ARHGEF10: variants seen among roughly 807,000 people sequenced by gnomAD.
ARHGEF10 encodes Rho guanine nucleotide exchange factor (GEF) 10.
ARHGEF10 carries 140 observed loss-of-function variants against 147.4 expected under a neutral mutation model. The observed-to-expected ratio is 0.95, with a 90% CI of 0.83 to 1.09. The LOEUF is 1.09. Ranked by LOEUF, ARHGEF10 falls within the 50% of genes least tolerant of loss-of-function variation. ARHGEF10 has a pLI of 0.00. For synonymous variants in ARHGEF10, 902 were observed against 695.8 expected (o/e 1.30, Z -4.67); for missense variants, 2,222 against 1,752.7 (o/e 1.27, Z -4.78).
At chr8:1,857,922 C>T (rs774547207) in intron 2 of ARHGEF10, 38 bp from the exon 3 acceptor site, 1 of 1,489,310 alleles carries the variant, frequency 6.7e-7, no homozygotes, top group African/African-American at 1.4e-5. Context: ...ATCTATCTAT[C>T]TATCTCTCCT....
rs991763541 is a variant in ARHGEF10 at position 1,917,482 on chromosome 8, G to A, written c.2144-5482G>A. On this transcript the variant is annotated intron_variant, in intron 18 of 28. Coordinates refer to ENST00000349830, the MANE Select transcript of ARHGEF10 (RefSeq NM_014629.4). ...CACACCCCCAGGGGCTTTTCCAGCC[G>A]TCCTTGCTATTGATCTGGCCACACA... is the stretch of plus-strand genomic sequence containing the variant. Among the ~76,000 whole-genome samples, 12 of 152,162 alleles carry A rather than the reference G, an allele frequency of 7.9e-5. 1 individual carries two copies. Among genetic ancestry groups the A allele is most frequent in the African/African-American group, 2.2e-4 (9 of 41,430 alleles).
At chr8:1,830,287 C>CCAGGCGGCTCATTTCCCGTGGGGCT (rs1803015774) in intron 1 of ARHGEF10, among the ~76,000 whole-genome samples, 1 of 152,066 alleles carries the variant, frequency 6.6e-6, no homozygotes, top group Non-Finnish European at 1.5e-5. Context: ...CCCGTGGGGC[C>CCAGGCGGCTCATTTCCCGTGGGGCT]CAGGCGGCTG....
intron 2 of ARHGEF10, among the ~76,000 whole-genome samples, chr8:1,850,081 G>C (rs1367943628): frequency 3.4e-5 from 4 of 118,204 alleles, no homozygotes; most frequent in Admixed American, 8.3e-5. Flanking sequence ...TGGACACAGA[G>C]GGCAAATGCT....
intron 2 of ARHGEF10, among the ~76,000 whole-genome samples, chr8:1,856,403 G>A (rs1431067320): frequency 6.6e-6 from 1 of 152,106 alleles, no homozygotes; most frequent in East Asian, 1.9e-4. Flanking sequence ...CGCTGTCGTG[G>A]GCCTGGGCCC....
chr8:1,877,088 T>C (rs1563216510), intron 8 of ARHGEF10, among the ~76,000 whole-genome samples: 1 of 152,180 alleles, frequency 6.6e-6, no homozygotes, highest in Non-Finnish European at 1.5e-5. Flanking sequence ...GGGATCGGGG[T>C]TCCCTAAGAC....
chr8:1,860,243 C>G, intron 4 of ARHGEF10, 59 bp downstream of exon 4: 1 of 1,520,692 alleles, frequency 6.6e-7, no homozygotes, highest in Non-Finnish European at 9.0e-7. Flanking sequence ...CCTCTCCACG[C>G]CCCCGAAGTG....
chr8:1,849,709 TGGG>T (rs1804876134), intron 2 of ARHGEF10, among the ~76,000 whole-genome samples: 3 of 137,186 alleles, frequency 2.2e-5, no homozygotes, highest in Non-Finnish European at 3.1e-5. Context: ...GAGGAGGGCA[TGGG>T]GTGGCCACGT....
At position 1,878,398 on chromosome 8, in the gene ARHGEF10, G is replaced by C. The variant is rs1807888975; in HGVS notation, c.844-1650G>C. On this transcript the variant is annotated intron_variant, in intron 8 of 28. Coordinates refer to ENST00000349830, the MANE Select transcript of ARHGEF10 (RefSeq NM_014629.4). ...GACGGGGTTTCACCATATTGGCCAG[G>C]CTGGTCTCGAACTCCTGACCTCGTG... Among the ~76,000 whole-genome samples the C allele has an allele frequency of 2.0e-5, 3 of 152,188 alleles. No individual in the cohort carries two copies. The South Asian group carries it at 6.2e-4, about 32-fold the overall frequency.
Position 1,857,832 on chromosome 8 carries a change from C to G in ARHGEF10, c.38-128C>G. ...AAAAAGGTTAACTACAAGCGCAGTA[C>G]AGCACAGAGGAACTTAGTCAGTGTC... On this transcript the variant is annotated intron_variant, in intron 2 of 28. Coordinates refer to ENST00000349830, the MANE Select transcript of ARHGEF10 (RefSeq NM_014629.4). 4 of 869,684 alleles carry G rather than the reference C, an allele frequency of 4.6e-6. No homozygotes were observed. The South Asian group carries it at 6.1e-5, about 13-fold the overall frequency. The allele number at this position is 869,684 out of a possible 1,614,324, so 53.9% of individuals were successfully genotyped here.
chr8:1,929,424 C>T lies in ARHGEF10; in HGVS notation c.3060C>T (p.Ala1020=). 2 of 1,609,624 alleles carry T rather than the reference C, an allele frequency of 1.2e-6. No homozygotes were observed. The highest frequency in any genetic ancestry group is 1.7e-6 in the Non-Finnish European group (2 of 1,178,016). The change falls in exon 25 of 29, where the codon GCC becomes GCT. Residue 1020 remains alanine (A), a synonymous_variant. Transcript: ENST00000349830. ...CTGGCCTGGTCAACGGGGCAGTCGC[C>T]AGCTACGCCAGAGCCCCAGGTGAGG... ...LYAGLVNGAV[A]SYARAPDGSW... is the part of the protein sequence containing the mutation.
At chr8:1,910,385 T>C (rs1467421853) in intron 18 of ARHGEF10, among the ~76,000 whole-genome samples, 1 of 152,220 alleles carries the variant, frequency 6.6e-6, no homozygotes, top group East Asian at 1.9e-4. Context: ...TTTATTTTTC[T>C]CATTCCCCTG....
chr8:1,883,777 T>C (rs1318684113), intron 10 of ARHGEF10, among the ~76,000 whole-genome samples: 1 of 147,442 alleles, frequency 6.8e-6, no homozygotes, highest in African/African-American at 2.6e-5. Context: ...GGTGGCCATA[T>C]TACACAGCCC....
At chr8:1,926,557 G>C (rs962851948) in intron 23 of ARHGEF10, 94 bp downstream of exon 23, 2 of 1,189,274 alleles carry the variant, frequency 1.7e-6, no homozygotes, top group Admixed American at 1.7e-5. Flanking sequence ...TTGCTCAGTA[G>C]AGAGTTGGCG....
At chr8:1,865,304 C>G (rs1806487466) in intron 5 of ARHGEF10, among the ~76,000 whole-genome samples, 1 of 151,654 alleles carries the variant, frequency 6.6e-6, no homozygotes, top group South Asian at 2.1e-4. Flanking sequence ...TGGGGCATCC[C>G]CCAGCACCCA....
At chr8:1,872,799 T>A (rs3824134) in intron 7 of ARHGEF10, among the ~76,000 whole-genome samples, 1 of 152,028 alleles carries the variant, frequency 6.6e-6, no homozygotes, top group African/African-American at 2.4e-5. Context: ...TCCGCAAATA[T>A]GTTTTGGGCA....
chr8:1,932,723 T>A (rs1585590311), intron 25 of ARHGEF10, among the ~76,000 whole-genome samples: 1 of 152,334 alleles, frequency 6.6e-6, no homozygotes, highest in East Asian at 1.9e-4. Context: ...GCCACAGAAG[T>A]CAGAGCTTGC....
At chr8:1,838,903 G>C (rs1403266098) in intron 1 of ARHGEF10, among the ~76,000 whole-genome samples, 4 of 151,926 alleles carry the variant, frequency 2.6e-5, no homozygotes, top group African/African-American at 9.7e-5. Flanking sequence ...GAAGGTGTTT[G>C]ATGTGGGGAC....
intron 18 of ARHGEF10, among the ~76,000 whole-genome samples, chr8:1,915,140 G>A (rs996043809): frequency 5.3e-5 from 8 of 152,186 alleles, no homozygotes; most frequent in Admixed American, 4.6e-4. Context: ...GACAACATCT[G>A]TATGCTGAGA....
intron 18 of ARHGEF10, among the ~76,000 whole-genome samples, chr8:1,917,095 C>T (rs1053996784): frequency 3.9e-5 from 6 of 152,208 alleles, no homozygotes; most frequent in South Asian, 4.1e-4. Flanking sequence ...TAGACCACTA[C>T]GAACAGTGAC....
Sources: allele counts gnomAD v4.1 joint callset (sites outside exome capture counted in the v4.1 genomes callset), GRCh38; gene constraint gnomAD v4.1.1; transcripts MANE v1.5; gene names NCBI Gene and HGNC (gene_info 2026-07-23, HGNC 2026-07-21).